The following PHACTR1 variants were observed in gnomAD, a reference collection of about 807,000 sequenced individuals.
PHACTR1 encodes the protein phosphatase and actin regulator 1.
Under a neutral mutation model 69.2 loss-of-function variants are expected in PHACTR1, and 16 were observed. That is an observed-to-expected ratio of 0.23 (90% CI 0.16 to 0.35). The LOEUF (loss-of-function observed/expected upper bound fraction) is 0.35, where lower values mean the gene tolerates loss of function less well. Ranked by LOEUF, PHACTR1 falls within the 10% of genes least tolerant of loss-of-function variation. PHACTR1 has a pLI of 1.00. For missense variants in PHACTR1, 510 were observed against 734.7 expected, an observed-to-expected ratio of 0.69 and a Z score of 3.54; for synonymous variants, 312 against 284.5, an observed-to-expected ratio of 1.10 and a Z score of -0.97.
chr6:12,760,082 C>T (rs538545731), intron 4 of PHACTR1, among the ~76,000 whole-genome samples: 8 of 152,284 alleles, frequency 5.3e-5, no homozygotes, highest in African/African-American at 1.2e-4. Flanking sequence ...TTTGTTAGCA[C>T]GAAGTGGAGA....
rs143817275 is a variant in PHACTR1, at chr6:13,054,220, G to A, written c.415+691G>A. 4.9e-4 allele frequency among the ~76,000 whole-genome samples: 75 copies of A among 152,292 alleles called. No individual in the cohort carries two copies. The Middle Eastern group carries it at 0.01, about 21-fold the overall frequency. On this transcript the variant is annotated intron_variant, in intron 5 of 14. Coordinates refer to ENST00000332995, the MANE Select transcript of PHACTR1 (RefSeq NM_030948.6). ...TTCCTCGTCTGTAAAATAGAAGTAA[G>A]AATAATACCTTACATGAGTTAATAT...
At position 13,246,498 on chromosome 6, in the gene PHACTR1, G is replaced by A. The variant is rs1042946363; in HGVS notation, c.1391+16305G>A. 8.6e-5 allele frequency among the ~76,000 whole-genome samples: 13 copies of A among 151,318 alleles called. No individual in the cohort carries two copies. Among genetic ancestry groups the A allele is most frequent in the African/African-American group, 2.9e-4 (12 of 41,340 alleles). On this transcript the variant is annotated intron_variant, in intron 10 of 14. Coordinates refer to ENST00000332995, the MANE Select transcript of PHACTR1 (RefSeq NM_030948.6). This position sits in a 1 kb window ranked among gnomAD's most constrained non-coding sequence, Gnocchi z 4.2. ...AGGTACTCTGGAAAATTCTTTTGCT[G>A]GTACCTTAATTTAGAGTTGGCCTAT...
chr6:13,190,350 T>TAAG (rs1172754655), intron 7 of PHACTR1, among the ~76,000 whole-genome samples: 7 of 152,066 alleles, frequency 4.6e-5, no homozygotes, highest in Admixed American at 6.6e-5. Flanking sequence ...TCTCTTCTTA[T>TAAG]AAGGACATTA....
At chr6:12,831,728 G>A (rs1777607363) in intron 4 of PHACTR1, among the ~76,000 whole-genome samples, 1 of 152,126 alleles carries the variant, frequency 6.6e-6, no homozygotes, top group South Asian at 2.1e-4. Context: ...ATACAGTAAT[G>A]ACTTTTCTTC....
chr6:13,193,287 A>G (rs9367374), intron 7 of PHACTR1, among the ~76,000 whole-genome samples: 13,460 of 147,778 alleles, frequency 0.091, 1,407 homozygotes, highest in East Asian at 0.58. Flanking sequence ...TTTTTCCTTT[A>G]AAGTATTTAT....
At chr6:12,893,690 CTA>C (rs10574225) in intron 4 of PHACTR1, among the ~76,000 whole-genome samples, 150,532 of 152,042 alleles carry the variant, frequency 0.99, 74,538 homozygotes, top group East Asian at 1. Flanking sequence ...GCAAGAAAAA[CTA>C]TATATATATA....
chr6:13,231,077 AAGGAAGG>A (rs1770895436), intron 10 of PHACTR1, among the ~76,000 whole-genome samples: 5 of 9,866 alleles, frequency 5.1e-4, no homozygotes, highest in African/African-American at 1.9e-3. Flanking sequence ...GGAAGGAAGG[AAGGAAGG>A]AAGAAGGAAG....
At chr6:13,165,760 T>G (rs1327789720) in intron 6 of PHACTR1, among the ~76,000 whole-genome samples, 1 of 149,646 alleles carries the variant, frequency 6.7e-6, no homozygotes, top group East Asian at 2.0e-4. Flanking sequence ...GGCACCCAGA[T>G]TCTGAAACCT....
chr6:13,105,613 G>A (rs751610673), intron 5 of PHACTR1, among the ~76,000 whole-genome samples: 6 of 151,988 alleles, frequency 3.9e-5, no homozygotes, highest in Middle Eastern at 3.2e-3. Flanking sequence ...TGAACATGCC[G>A]GCCACAAGTG....
chr6:13,148,338 C>T lies in PHACTR1; in HGVS notation c.416-11866C>T, dbSNP rs138352936. 5.3e-5 allele frequency among the ~76,000 whole-genome samples: 8 copies of T among 152,078 alleles called. No individual in the cohort carries two copies. The South Asian group carries it at 6.2e-4, about 12-fold the overall frequency. On this transcript the variant is annotated intron_variant, in intron 5 of 14. Transcript: ENST00000332995. ...GAAGTGTTTTAATGTAAATTACAGACGTCTGTAATCATACATCTCCAAAAA... is the reference window on the plus strand; with the variant it reads ...GAAGTGTTTTAATGTAAATTACAGATGTCTGTAATCATACATCTCCAAAAA...
At chr6:12,874,822 G>T (rs1332841) in intron 4 of PHACTR1, among the ~76,000 whole-genome samples, 40,891 of 152,016 alleles carry the variant, frequency 0.27, 6,113 homozygotes, top group Middle Eastern at 0.38. Context: ...ATAAGAAAAC[G>T]CACCTGAATG....
chr6:13,271,233 T>G (rs1448484720), intron 10 of PHACTR1, among the ~76,000 whole-genome samples: 1 of 152,138 alleles, frequency 6.6e-6, no homozygotes, highest in Non-Finnish European at 1.5e-5. Context: ...GACCAGATCT[T>G]GCAAGAACTC....
intron 7 of PHACTR1, among the ~76,000 whole-genome samples, chr6:13,199,814 CATCTT>C (rs1410604713): frequency 5.3e-5 from 8 of 152,054 alleles, no homozygotes; most frequent in East Asian, 3.9e-4. Context: ...GGATATAAGA[CATCTT>C]ATCATTTACA....
chr6:12,812,360 C>A (rs543770022), intron 4 of PHACTR1, among the ~76,000 whole-genome samples: 1 of 152,316 alleles, frequency 6.6e-6, no homozygotes, highest in East Asian at 1.9e-4. Flanking sequence ...AAAGTGCTAA[C>A]ATTTTTTAAA....
At chr6:12,913,182 C>A (rs953139821) in intron 4 of PHACTR1, among the ~76,000 whole-genome samples, 1 of 152,192 alleles carries the variant, frequency 6.6e-6, no homozygotes, top group Non-Finnish European at 1.5e-5. Flanking sequence ...GATGATGTCT[C>A]CTTGGAAAGA....
intron 4 of PHACTR1, among the ~76,000 whole-genome samples, chr6:12,963,007 C>T (rs1792947280): frequency 6.6e-6 from 1 of 152,144 alleles, no homozygotes; most frequent in Non-Finnish European, 1.5e-5. Context: ...CACACATACA[C>T]ATTGATTTAT....
intron 10 of PHACTR1, among the ~76,000 whole-genome samples, chr6:13,242,326 C>A (rs1336224959): frequency 6.6e-6 from 1 of 152,214 alleles, no homozygotes; most frequent in African/African-American, 2.4e-5. Context: ...TAGAGAAGCA[C>A]ACGCAGTGTT....
intron 4 of PHACTR1, among the ~76,000 whole-genome samples, chr6:12,851,305 G>A (rs1301953277): frequency 6.6e-6 from 1 of 152,266 alleles, no homozygotes; most frequent in East Asian, 1.9e-4. Context: ...ACAATACACA[G>A]GCGAACATTT....
At chr6:12,862,089 A>G (rs1343507611) in intron 4 of PHACTR1, among the ~76,000 whole-genome samples, 1 of 152,200 alleles carries the variant, frequency 6.6e-6, no homozygotes, top group African/African-American at 2.4e-5. Flanking sequence ...AAAGAAGCTT[A>G]TATTCTAGGA....
Sources: gnomAD v4.1 joint callset for allele counts (sites outside exome capture counted in the v4.1 genomes callset) on GRCh38, gnomAD v4.1.1 for gene constraint, Gnocchi (gnomAD v3.1) non-coding constraint, MANE v1.5 for transcripts, NCBI Gene and HGNC (gene_info 2026-07-23, HGNC 2026-07-21) for gene names.